The following ATP6V1D variants were observed in gnomAD, a reference collection of about 807,000 sequenced individuals.
ATP6V1D encodes ATPase H+ transporting V1 subunit D.
In ATP6V1D, 20 loss-of-function variants were observed where a neutral mutation model predicts 39.4. That is an observed-to-expected ratio of 0.51 (90% CI 0.36 to 0.74). The LOEUF is 0.74. Ranked by LOEUF, ATP6V1D falls within the 30% of genes least tolerant of loss-of-function variation. The pLI, the probability that ATP6V1D is intolerant of heterozygous loss-of-function variation, is 0.00. For synonymous variants in ATP6V1D, 100 were observed against 100.5 expected (o/e 0.99, Z 0.03); for missense variants, 228 against 291.6 (o/e 0.78, Z 1.59).
chr14:67,346,011 G>A lies in ATP6V1D; in HGVS notation c.353-140C>T. On this transcript the variant is annotated intron_variant, in intron 5 of 8. Transcript: ENST00000216442. Reference sequence around the variant, plus strand: ...TCTTCATTGAATGTAAACATGAAGTGCCTATCTCACTCCCCAAACACTATA... The same window carrying A: ...TCTTCATTGAATGTAAACATGAAGTACCTATCTCACTCCCCAAACACTATA... The A allele has an allele frequency of 4.8e-6, 3 of 628,954 alleles. No homozygotes were observed. The Middle Eastern group carries it at 1.3e-3, about 270-fold the overall frequency. The allele number at this position is 628,954 out of a possible 1,614,324, so 39.0% of individuals were successfully genotyped here.
intron 1 of ATP6V1D, among the ~76,000 whole-genome samples, chr14:67,357,478 G>C (rs1188674111): frequency 1.3e-5 from 2 of 152,204 alleles, no homozygotes; most frequent in Non-Finnish European, 2.9e-5. Flanking sequence ...CAAGCTGAGA[G>C]CTTTCAAATA....
At chr14:67,349,219 A>G in intron 3 of ATP6V1D, 115 bp from the exon 4 acceptor site, 3 of 1,005,898 alleles carry the variant, frequency 3.0e-6, no homozygotes, top group Non-Finnish European at 4.4e-6. Context: ...ACAATTAAGT[A>G]TGTTTTGATA....
At chr14:67,345,686 A>G in intron 6 of ATP6V1D, 82 bp downstream of exon 6, 1 of 867,576 alleles carries the variant, frequency 1.2e-6, no homozygotes, top group Non-Finnish European at 1.9e-6. Flanking sequence ...AGCACAGTAT[A>G]TGCTGACTCA....
chr14:67,345,929 T>C, intron 5 of ATP6V1D, 58 bp from the exon 6 acceptor site: 1 of 1,107,822 alleles, frequency 9.0e-7, no homozygotes, highest in Non-Finnish European at 1.4e-6. Flanking sequence ...CCCTATAAAA[T>C]TCCCCAAAAG....
chr14:67,355,867 G>A (rs1294997266), intron 1 of ATP6V1D, among the ~76,000 whole-genome samples: 1 of 151,956 alleles, frequency 6.6e-6, no homozygotes, highest in African/African-American at 2.4e-5. Context: ...GGGCATGGTA[G>A]GGCACACCGG....
In ATP6V1D at chr14:67,352,963, A is replaced by G; in HGVS notation, c.119T>C (p.Leu40Ser). ...TAGGATCTGTCGAAATCGAAGAGTTAAGGCATCAGATTTTTTCTTCAGGAG... is the reference window on the plus strand; with the variant it reads ...TAGGATCTGTCGAAATCGAAGAGTTGAGGCATCAGATTTTTTCTTCAGGAG... ...RNLLKKKSDA[L>S]TLRFRQILKK... The change falls in exon 2 of 9, where the codon TTA becomes TCA. Residue 40 changes from leucine to serine, a missense_variant. Physicochemically the swap from Leu to Ser is moderately radical, Grantham distance 145 (BLOSUM62 -2). Coordinates refer to ENST00000216442, the MANE Select transcript of ATP6V1D (RefSeq NM_015994.4). 1 of 1,613,732 alleles carries G rather than the reference A, an allele frequency of 6.2e-7. No individual in the cohort carries two copies. Among genetic ancestry groups the G allele is most frequent in the South Asian group, 1.1e-5 (1 of 91,070 alleles).
At chr14:67,341,086 C>A (rs1474543986) in intron 7 of ATP6V1D, among the ~76,000 whole-genome samples, 1 of 152,210 alleles carries the variant, frequency 6.6e-6, no homozygotes, top group Non-Finnish European at 1.5e-5. Flanking sequence ...AGCCTCTGCC[C>A]AGCCGCCACC....
chr14:67,358,172 G>C (rs1034351431), intron 1 of ATP6V1D, among the ~76,000 whole-genome samples: 6 of 152,188 alleles, frequency 3.9e-5, no homozygotes, highest in Non-Finnish European at 8.8e-5. Context: ...TAGTGTCGAT[G>C]TCTTTCAGTG....
intron 1 of ATP6V1D, among the ~76,000 whole-genome samples, chr14:67,358,951 C>T (rs2085706082): frequency 6.6e-6 from 1 of 152,090 alleles, no homozygotes; most frequent in Non-Finnish European, 1.5e-5. Flanking sequence ...ACTCTTTCAT[C>T]CTGGAGAGAG....
rs536633736 is a variant in ATP6V1D, at chr14:67,359,198, T to G, written c.41+460A>C. 2.0e-5 allele frequency among the ~76,000 whole-genome samples: 3 copies of G among 152,318 alleles called. No homozygotes were observed. The East Asian group carries it at 5.8e-4, about 29-fold the overall frequency. ...AGGGCGATTCGATTCCATCCCCACT[T>G]TGGCTTAGGGACCTCTTCTATATCC... is the stretch of plus-strand genomic sequence containing the variant. On this transcript the variant is annotated intron_variant, in intron 1 of 8. Coordinates refer to ENST00000216442, the MANE Select transcript of ATP6V1D (RefSeq NM_015994.4).
rs552074859 is a variant in ATP6V1D at position 67,356,440 on chromosome 14, A to C, written c.41+3218T>G. On this transcript the variant is annotated intron_variant, in intron 1 of 8. Coordinates refer to ENST00000216442, the MANE Select transcript of ATP6V1D (RefSeq NM_015994.4). ...TGCCTCAAAAAAACAAAAACAAAAA[A>C]AAAAAAACAAAAACAAACAAACACC... Among the ~76,000 whole-genome samples, 756 of 141,920 alleles carry C rather than the reference A, an allele frequency of 5.3e-3. 6 individuals carry two copies. The highest frequency in any genetic ancestry group is 6.7e-3 in the Non-Finnish European group (452 of 67,196). 93.1% of individuals were successfully genotyped at this position (141,920 alleles called of 152,430 possible). A position where few individuals can be genotyped will look rare whatever the true frequency, so the allele number is the denominator to read the frequency against.
At chr14:67,358,643 T>C (rs1028640128) in intron 1 of ATP6V1D, among the ~76,000 whole-genome samples, 1 of 152,194 alleles carries the variant, frequency 6.6e-6, no homozygotes, top group Non-Finnish European at 1.5e-5. Flanking sequence ...GAGGCTGCTG[T>C]GAGCTCTGAT....
At chr14:67,339,653 C>T (rs928118742) in intron 8 of ATP6V1D, among the ~76,000 whole-genome samples, 22 of 152,136 alleles carry the variant, frequency 1.4e-4, no homozygotes, top group Non-Finnish European at 2.5e-4. Context: ...TCTCTAATGG[C>T]GTGATTTATA....
chr14:67,350,794 G>C (rs930035878), intron 2 of ATP6V1D, 104 bp from the exon 3 acceptor site: 117 of 1,093,386 alleles, frequency 1.1e-4, no homozygotes, highest in Middle Eastern at 4.0e-4. Flanking sequence ...TATGCTGGCT[G>C]TGCATGTAAA....
At chr14:67,338,841 C>G (rs1053929265) in intron 8 of ATP6V1D, 79 bp from the exon 9 acceptor site, 1 of 1,371,966 alleles carries the variant, frequency 7.3e-7, no homozygotes, top group Middle Eastern at 2.0e-4. Flanking sequence ...AGTTTTGTAA[C>G]AAGGATAATA....
intron 1 of ATP6V1D, among the ~76,000 whole-genome samples, chr14:67,358,663 G>A (rs2085703165): frequency 6.6e-6 from 1 of 152,152 alleles, no homozygotes; most frequent in African/African-American, 2.4e-5. Flanking sequence ...TCATACCACT[G>A]CACCCCAGCC....
chr14:67,345,784 T>G lies in ATP6V1D; in HGVS notation c.440A>C (p.Glu147Ala), dbSNP rs770266758. 6.2e-7 allele frequency: 1 copy of G among 1,613,590 alleles called. No homozygotes were observed. Among genetic ancestry groups the G allele is most frequent in the Admixed American group, 1.7e-5 (1 of 60,010 alleles). Residue 147 changes from glutamate to alanine, a missense_variant, in exon 6 of 9, where the codon GAA (glutamate) becomes GCA (alanine). Physicochemically the swap from Glu to Ala is moderately radical, Grantham distance 107. Coordinates refer to ENST00000216442, the MANE Select transcript of ATP6V1D (RefSeq NM_015994.4). The stretch of plus-strand genomic sequence containing the variant: ...GCTACTTACCTGCAGAGAAGCTAGT[T>G]CCACCAGTAGTTCCACTGCTTTGGC... ...NYAKAVELLV[E>A]LASLQTSFVT...
chr14:67,342,792 C>T (rs2085595035), intron 7 of ATP6V1D, among the ~76,000 whole-genome samples: 1 of 151,512 alleles, frequency 6.6e-6, no homozygotes, highest in South Asian at 2.1e-4. Context: ...AATTCCCAAG[C>T]AAAGGAATTT....
At chr14:67,352,709 C>A (rs992484770) in intron 2 of ATP6V1D, 4 of 444,632 alleles carry the variant, frequency 9.0e-6, no homozygotes, top group Non-Finnish European at 1.6e-5. Context: ...AGGCGGGGGG[C>A]CAATCAGATC....
Sources: allele counts gnomAD v4.1 joint callset (sites outside exome capture counted in the v4.1 genomes callset), GRCh38; gene constraint gnomAD v4.1.1; transcripts MANE v1.5; gene names NCBI Gene and HGNC (gene_info 2026-07-23, HGNC 2026-07-21).